DMD: variants seen among roughly 807,000 people sequenced by gnomAD.
DMD encodes dystrophin, also known as mutant dystrophin.
Under a neutral mutation model 330.1 loss-of-function variants are expected in DMD, and 63 were observed. The ratio of observed to expected loss-of-function variants is 0.19; its 90% CI spans 0.16 to 0.24. The LOEUF (loss-of-function observed/expected upper bound fraction) is 0.24. Among genes scored for constraint, DMD ranks in the 10% least tolerant of loss-of-function variants. DMD has a pLI of 1.00. For missense variants in DMD, 3,344 were observed against 2,684.1 expected (o/e 1.25, Z -5.43); for synonymous variants, 1,223 against 959.8 (o/e 1.27, Z -5.07).
intron 7 of DMD, among the ~76,000 whole-genome samples, chrX:32,724,492 T>A (rs1429261202): frequency 1.8e-5 from 2 of 111,932 alleles, no homozygotes; most frequent in African/African-American, 6.5e-5. Flanking sequence ...GCTGTTAACA[T>A]AATTGATTTA....
At chrX:31,239,069 G>A (rs1444469608) in intron 63 of DMD, among the ~76,000 whole-genome samples, 1 of 112,139 alleles carries the variant, frequency 8.9e-6, no homozygotes, top group Non-Finnish European at 1.9e-5. Flanking sequence ...AGTATATCAG[G>A]CACTCTGAGG....
At chrX:31,383,354 C>G (rs776084930) in intron 60 of DMD, among the ~76,000 whole-genome samples, 12 of 112,483 alleles carry the variant, frequency 1.1e-4, no homozygotes, top group Non-Finnish European at 1.7e-4. Flanking sequence ...GTGGTCTCTT[C>G]ACACGGACGC....
intron 9 of DMD, among the ~76,000 whole-genome samples, chrX:32,648,569 G>A (rs1224735567): frequency 9.0e-6 from 1 of 111,524 alleles, no homozygotes; most frequent in African/African-American, 3.3e-5. Context: ...ATGTATATAT[G>A]TTCTAAGGTG....
intron 2 of DMD, among the ~76,000 whole-genome samples, chrX:32,997,170 T>C (rs1480694103): frequency 1.8e-5 from 2 of 111,112 alleles, no homozygotes; most frequent in East Asian, 5.7e-4. Context: ...TCTCACCTTT[T>C]AAAAAATTTT....
intron 43 of DMD, among the ~76,000 whole-genome samples, chrX:32,276,945 A>G (rs887028863): frequency 9.2e-6 from 1 of 108,846 alleles, no homozygotes; most frequent in Non-Finnish European, 1.9e-5. Flanking sequence ...AGAAAGAAAG[A>G]TAGAAAAAAA....
At chrX:32,199,500 A>G (rs139154950) in intron 44 of DMD, among the ~76,000 whole-genome samples, 1,256 of 110,749 alleles carry the variant, frequency 0.011, 13 homozygotes, top group African/African-American at 0.028. Flanking sequence ...AAATACTGCC[A>G]ATTACACACA....
chrX:33,023,566 T>C (rs1471216618), intron 1 of DMD, among the ~76,000 whole-genome samples: 1 of 111,820 alleles, frequency 8.9e-6, no homozygotes, highest in Non-Finnish European at 1.9e-5. Flanking sequence ...TTAATCATAA[T>C]TAATTTGATT....
intron 45 of DMD, among the ~76,000 whole-genome samples, chrX:31,958,139 G>A (rs1342347930): frequency 3.1e-5 from 3 of 96,302 alleles, no homozygotes; most frequent in Admixed American, 2.4e-4. Context: ...TACAGTCTTG[G>A]TGCAGCTGCT....
intron 50 of DMD, among the ~76,000 whole-genome samples, chrX:31,799,145 C>A (rs924483995): frequency 8.9e-6 from 1 of 111,958 alleles, no homozygotes; most frequent in Non-Finnish European, 1.9e-5. Context: ...TTGAACAATA[C>A]GCTGATTTCT....
At chrX:32,650,953 G>A (rs904239272) in intron 9 of DMD, among the ~76,000 whole-genome samples, 4 of 111,182 alleles carry the variant, frequency 3.6e-5, no homozygotes, top group Non-Finnish European at 7.5e-5. Context: ...AGTAGGATGA[G>A]GAAATGGAAA....
intron 62 of DMD, among the ~76,000 whole-genome samples, chrX:31,273,674 C>CTT (rs1263403473): frequency 9.5e-6 from 1 of 104,979 alleles, no homozygotes; most frequent in Non-Finnish European, 2.0e-5. Flanking sequence ...CAGCGTTTTT[C>CTT]TTTTTTTTTT....
intron 44 of DMD, among the ~76,000 whole-genome samples, chrX:32,062,339 C>T (rs2096231572): frequency 9.0e-6 from 1 of 111,176 alleles, no homozygotes; most frequent in Non-Finnish European, 1.9e-5. Context: ...CCTAAGAATA[C>T]AGATATTAAC....
At chrX:31,694,918 G>T (rs1407359028) in intron 52 of DMD, among the ~76,000 whole-genome samples, 1 of 109,177 alleles carries the variant, frequency 9.2e-6, no homozygotes, top group African/African-American at 3.3e-5. Context: ...CCCACTTCTG[G>T]GTACATACTC....
intron 7 of DMD, among the ~76,000 whole-genome samples, chrX:32,727,229 T>A (rs1349867236): frequency 1.8e-5 from 2 of 111,525 alleles, no homozygotes; most frequent in Non-Finnish European, 3.8e-5. Context: ...CTAGAGAAGG[T>A]AATCTGCCCA....
chrX:31,214,122 T>G (rs1192254641), intron 64 of DMD, among the ~76,000 whole-genome samples: 1 of 112,067 alleles, frequency 8.9e-6, no homozygotes, highest in East Asian at 2.8e-4. Flanking sequence ...GGCCTGCAGG[T>G]GGAGTCCCAA....
intron 5 of DMD, among the ~76,000 whole-genome samples, chrX:32,822,588 TGA>T (rs2078357854): frequency 9.1e-6 from 1 of 110,342 alleles, no homozygotes; most frequent in South Asian, 3.8e-4. Context: ...TGTGTGGATA[TGA>T]GTGTGTATAT....
intron 60 of DMD, among the ~76,000 whole-genome samples, chrX:31,431,788 T>TTTTC (rs59493758): frequency 0.099 from 10,786 of 109,419 alleles, 1,004 homozygotes; most frequent in African/African-American, 0.29. Context: ...AATTAAAATA[T>TTTTC]TTTCTTTCTT....
At chrX:32,676,495 T>C (rs1010822702) in intron 9 of DMD, among the ~76,000 whole-genome samples, 68 of 111,446 alleles carry the variant, frequency 6.1e-4, no homozygotes, top group African/African-American at 2.1e-3. Flanking sequence ...TCATTGCCAT[T>C]TTGGGGCAAT....
intron 9 of DMD, among the ~76,000 whole-genome samples, chrX:32,697,414 A>G (rs1348283847): frequency 3.6e-5 from 4 of 112,115 alleles, no homozygotes; most frequent in African/African-American, 1.3e-4. Flanking sequence ...TCTTACATAG[A>G]ATATATATTT....
Sources: allele counts gnomAD v4.1 joint callset (sites outside exome capture counted in the v4.1 genomes callset), GRCh38; gene constraint gnomAD v4.1.1; transcripts MANE v1.5; gene names NCBI Gene and HGNC (gene_info 2026-07-23, HGNC 2026-07-21).